SDK1: variants seen among roughly 807,000 people sequenced by gnomAD.
The protein encoded by SDK1 is protein sidekick-1.
Under a neutral mutation model 245.5 loss-of-function variants are expected in SDK1, and 157 were observed. The observed-to-expected ratio is 0.64, with a 90% CI of 0.56 to 0.73. SDK1 has a LOEUF of 0.73. Among genes scored for constraint, SDK1 ranks in the 30% least tolerant of loss-of-function variants. The pLI, the probability that SDK1 is intolerant of heterozygous loss-of-function variation, is 0.00. For synonymous variants in SDK1, 1,647 were observed against 1,278.5 expected, an observed-to-expected ratio of 1.29 and a Z score of -6.15; for missense variants, 3,583 against 3,002.3, an observed-to-expected ratio of 1.19 and a Z score of -4.52.
intron 4 of SDK1, 76 bp from the exon 5 acceptor site, chr7:3,821,374 G>T: frequency 6.7e-7 from 1 of 1,495,282 alleles, no homozygotes; most frequent in Non-Finnish European, 9.1e-7. Flanking sequence ...TTTATAGTTG[G>T]CCTAATTAAT....
chr7:3,314,897 CT>C (rs34081605), intron 1 of SDK1, among the ~76,000 whole-genome samples: 3,450 of 148,396 alleles, frequency 0.023, 137 homozygotes, highest in African/African-American at 0.079. Context: ...GCAACAAAAA[CT>C]TTTTTTTTTT....
chr7:3,513,359 G>A (rs1019280139), intron 1 of SDK1, among the ~76,000 whole-genome samples: 5 of 152,050 alleles, frequency 3.3e-5, no homozygotes, highest in Non-Finnish European at 7.4e-5. Context: ...TTTAAATTTC[G>A]GTTATTCTCA....
At chr7:4,132,654 G>C in intron 28 of SDK1, 1 of 429,152 alleles carries the variant, frequency 2.3e-6, no homozygotes, top group Non-Finnish European at 4.4e-6. Context: ...CTTGAGCCCA[G>C]GAGGTTGAGG....
chr7:4,237,248 A>C (rs1352185574), intron 41 of SDK1, among the ~76,000 whole-genome samples: 2 of 151,852 alleles, frequency 1.3e-5, no homozygotes, highest in Non-Finnish European at 2.9e-5. Flanking sequence ...ATGGGATCTC[A>C]CTACATTGCA....
rs74633200 is a variant in SDK1, at chr7:3,788,915, A to G, written c.714-32535A>G. Among the ~76,000 whole-genome samples the G allele has an allele frequency of 5.7e-3, 865 of 152,250 alleles. 12 individuals are homozygous for G. Among genetic ancestry groups the G allele is most frequent in the African/African-American group, 0.019 (798 of 41,562 alleles). On this transcript the variant is annotated intron_variant, in intron 4 of 44. Coordinates refer to ENST00000404826, the MANE Select transcript of SDK1 (RefSeq NM_152744.4). ...TCAGTCCTGAGAAGAAGACCTGGGC[A>G]TGGGATGGGATTTAGATGTAGAATA...
intron 17 of SDK1, among the ~76,000 whole-genome samples, chr7:4,021,038 T>C (rs968833642): frequency 6.6e-6 from 1 of 151,972 alleles, no homozygotes; most frequent in Non-Finnish European, 1.5e-5. Context: ...GATCTGGGGG[T>C]CATCTCCCTA....
At chr7:4,091,193 A>G (rs999538485) in intron 22 of SDK1, among the ~76,000 whole-genome samples, 2 of 152,174 alleles carry the variant, frequency 1.3e-5, no homozygotes, top group African/African-American at 2.4e-5. Flanking sequence ...AGTCCAGTCA[A>G]GTCATACTTG....
chr7:3,444,812 C>T (rs1323032346), intron 1 of SDK1, among the ~76,000 whole-genome samples: 1 of 152,174 alleles, frequency 6.6e-6, no homozygotes, highest in Non-Finnish European at 1.5e-5. Flanking sequence ...TTTTTAAAAT[C>T]TCCTGCAAAT....
At chr7:3,331,014 C>T (rs1276474257) in intron 1 of SDK1, among the ~76,000 whole-genome samples, 8 of 151,280 alleles carry the variant, frequency 5.3e-5, no homozygotes, top group Admixed American at 5.3e-4. Flanking sequence ...CGTCTGTAAT[C>T]CTGCACTTTG....
intron 5 of SDK1, among the ~76,000 whole-genome samples, chr7:3,852,639 T>A (rs1780446392): frequency 6.7e-6 from 1 of 148,620 alleles, no homozygotes; most frequent in South Asian, 2.1e-4. Context: ...TAGTCCCAGC[T>A]ACTCGGGAGG....
intron 1 of SDK1, among the ~76,000 whole-genome samples, chr7:3,445,859 C>G (rs1037385139): frequency 4.0e-5 from 6 of 151,820 alleles, no homozygotes; most frequent in Non-Finnish European, 8.8e-5. Flanking sequence ...TTCTTCCTTC[C>G]TTTCCTTCCT....
intron 5 of SDK1, among the ~76,000 whole-genome samples, chr7:3,822,843 A>G (rs1190198795): frequency 6.6e-6 from 1 of 151,820 alleles, no homozygotes; most frequent in Non-Finnish European, 1.5e-5. Context: ...CTCGAGGGGT[A>G]CAATTGCCTT....
chr7:4,188,757 C>T (rs1783028597), intron 35 of SDK1, among the ~76,000 whole-genome samples: 1 of 151,338 alleles, frequency 6.6e-6, no homozygotes, highest in Admixed American at 6.6e-5. Context: ...ATGAAGTGAG[C>T]TTCTAAATGG....
intron 1 of SDK1, among the ~76,000 whole-genome samples, chr7:3,516,186 C>T (rs148018019): frequency 2.0e-5 from 3 of 149,416 alleles, no homozygotes; most frequent in Admixed American, 1.3e-4. Flanking sequence ...CATGCACATA[C>T]ATTTACACAC....
intron 2 of SDK1, among the ~76,000 whole-genome samples, chr7:3,630,025 TAGACATCAC>T (rs1562615682): frequency 6.6e-6 from 1 of 152,080 alleles, no homozygotes; most frequent in African/African-American, 2.4e-5. Flanking sequence ...ATCAGGAAAC[TAGACATCAC>T]AGAAGAAGAT....
At chr7:3,349,373 G>C (rs923592101) in intron 1 of SDK1, among the ~76,000 whole-genome samples, 9 of 151,886 alleles carry the variant, frequency 5.9e-5, no homozygotes, top group Non-Finnish European at 1.2e-4. Context: ...AAAGAAGCCT[G>C]CTCCTCCAAC....
At chr7:4,260,888 C>T (rs1369821766) in intron 44 of SDK1, among the ~76,000 whole-genome samples, 2 of 152,036 alleles carry the variant, frequency 1.3e-5, no homozygotes, top group South Asian at 2.1e-4. Flanking sequence ...CTGGCTGCTC[C>T]GGGGTCTCGG....
chr7:3,676,886 T>C (rs1378381479), intron 4 of SDK1, among the ~76,000 whole-genome samples: 2 of 152,194 alleles, frequency 1.3e-5, no homozygotes, highest in Non-Finnish European at 2.9e-5. Flanking sequence ...TTTGTATTCA[T>C]ACCATGCTAT....
At chr7:3,707,178 T>G (rs972659764) in intron 4 of SDK1, among the ~76,000 whole-genome samples, 3 of 152,226 alleles carry the variant, frequency 2.0e-5, no homozygotes, top group African/African-American at 7.2e-5. Flanking sequence ...GAATTTTTTG[T>G]GGAGGCACTT....
Sources: allele counts gnomAD v4.1 joint callset (sites outside exome capture counted in the v4.1 genomes callset), GRCh38; gene constraint gnomAD v4.1.1; transcripts MANE v1.5; gene names NCBI Gene and HGNC (gene_info 2026-07-23, HGNC 2026-07-21).